PRUNE2: variants seen among roughly 807,000 people sequenced by gnomAD.
The protein encoded by PRUNE2 is protein prune homolog 2.
PRUNE2 carries 164 observed loss-of-function variants against 252.0 expected under a neutral mutation model. That is an observed-to-expected ratio of 0.65 (90% CI 0.57 to 0.74). The LOEUF is 0.74. Ranked by LOEUF, PRUNE2 falls within the 30% of genes least tolerant of loss-of-function variation. The probability of loss-of-function intolerance (pLI) is 0.00; values close to 1 mark genes in which losing one functional copy is unlikely to be tolerated. For missense variants in PRUNE2, 3,495 were observed against 3,711.0 expected (o/e 0.94, Z 1.51); for synonymous variants, 1,292 against 1,350.2 (o/e 0.96, Z 0.94).
At chr9:76,625,990 C>G (rs1186108393) in intron 16 of PRUNE2, among the ~76,000 whole-genome samples, 2 of 152,080 alleles carry the variant, frequency 1.3e-5, no homozygotes, top group African/African-American at 2.4e-5. Context: ...TGTTTATGCA[C>G]AAGTTACAAT....
intron 6 of PRUNE2, among the ~76,000 whole-genome samples, chr9:76,730,331 G>T (rs1227775218): frequency 6.6e-6 from 1 of 152,204 alleles, no homozygotes; most frequent in East Asian, 1.9e-4. Context: ...AGGTAACTGT[G>T]CAGCCCTACC....
intron 6 of PRUNE2, among the ~76,000 whole-genome samples, chr9:76,723,137 T>C (rs1294275144): frequency 1.3e-5 from 2 of 152,198 alleles, no homozygotes; most frequent in African/African-American, 2.4e-5. Flanking sequence ...CTGTTAACTA[T>C]ATGTAAGATC....
In PRUNE2 at chr9:76,710,339, C is replaced by T; in HGVS notation, c.1935G>A (p.Gly645=). ...TQKATDTGHM[G]PPQTHARCSS... is the part of the protein sequence containing the mutation. ...TGCACCGTGCATGGGTCTGAGGTGG[C>T]CCCATGTGACCTGTGTCAGTTGCTT... is the stretch of plus-strand genomic sequence containing the variant. Residue 645 remains glycine (G), a synonymous_variant, in exon 8 of 19, where the codon GGG becomes GGA. Transcript: ENST00000376718. 1 of 1,613,984 alleles carries T rather than the reference C, an allele frequency of 6.2e-7. No homozygotes were observed. The highest frequency in any genetic ancestry group is 8.5e-7 in the Non-Finnish European group (1 of 1,179,876).
At chr9:76,652,327 T>C in intron 11 of PRUNE2, 156 bp downstream of exon 11, 3 of 631,524 alleles carry the variant, frequency 4.8e-6, no homozygotes, top group Non-Finnish European at 2.8e-6. Context: ...TCTGTCAGGC[T>C]CCAAACTGTC....
rs112316173 is a variant in PRUNE2 at position 76,888,307 on chromosome 9, G to A, written c.36+17621C>T. Among the ~76,000 whole-genome samples the A allele has an allele frequency of 2.7e-3, 415 of 152,270 alleles. 1 individual carries two copies. Among genetic ancestry groups the A allele is most frequent in the African/African-American group, 9.3e-3 (387 of 41,554 alleles). ...AAATAATTTAGATATGGCTGGGCAC[G>A]GTGGCTCACGCCTGTAATCCCAGCA... On this transcript the variant is annotated intron_variant, in intron 1 of 18. Transcript: ENST00000376718.
chr9:76,707,724 C>A lies in PRUNE2; in HGVS notation c.4550G>T (p.Gly1517Val). The A allele has an allele frequency of 6.2e-7, 1 of 1,613,780 alleles. No homozygotes were observed. The highest frequency in any genetic ancestry group is 8.5e-7 in the Non-Finnish European group (1 of 1,179,840). The change falls in exon 8 of 19, where the codon GGG (glycine) becomes GTG (valine). Residue 1517 changes from glycine (G) to valine (V), a missense_variant. Gly to Val is a moderately radical substitution (Grantham distance 109). Transcript: ENST00000376718. ...SEITKNLDVK[G>V]SENSLPGAGS... ...GGCTCCTGGAAGGCTATTTTCAGAC[C>A]CCTTAACGTCAAGATTTTTGGTTAT...
chr9:76,637,669 T>C (rs1564403617), intron 13 of PRUNE2, 120 bp from the exon 14 acceptor site: 1 of 822,246 alleles, frequency 1.2e-6, no homozygotes, highest in East Asian at 2.6e-5. Flanking sequence ...ATTACCTCTT[T>C]ACCTTGGGAA....
intron 12 of PRUNE2, chr9:76,641,945 G>C: frequency 1.3e-6 from 2 of 1,523,234 alleles, no homozygotes; most frequent in Non-Finnish European, 1.8e-6. Context: ...AGGGTCATTT[G>C]TCCAGCAAGA....
chr9:76,845,930 TGA>T (rs1211729448), intron 4 of PRUNE2, among the ~76,000 whole-genome samples: 1 of 152,136 alleles, frequency 6.6e-6, no homozygotes, highest in Non-Finnish European at 1.5e-5. Flanking sequence ...CTGATCGAGA[TGA>T]AAGAGAGATT....
At chr9:76,846,454 A>G in intron 4 of PRUNE2, 61 bp downstream of exon 4, 1 of 1,410,948 alleles carries the variant, frequency 7.1e-7, no homozygotes, top group Non-Finnish European at 9.7e-7. Flanking sequence ...TTTCTACATG[A>G]GCAGGCTGGG....
intron 6 of PRUNE2, among the ~76,000 whole-genome samples, chr9:76,803,556 A>G (rs1359686459): frequency 1.3e-5 from 2 of 152,136 alleles, no homozygotes; most frequent in Non-Finnish European, 2.9e-5. Context: ...TCTCAATTTC[A>G]TAATCAAAAT....
intron 9 of PRUNE2, among the ~76,000 whole-genome samples, chr9:76,696,607 G>A (rs759150389): frequency 1.5e-4 from 23 of 152,132 alleles, no homozygotes; most frequent in Admixed American, 7.2e-4. Flanking sequence ...TGTATTTTTA[G>A]TAGAGACGGG....
chr9:76,707,408 T>G lies in PRUNE2; in HGVS notation c.4866A>C (p.Leu1622Phe). The change falls in exon 8 of 19, where the codon TTA (leucine) becomes TTC (phenylalanine). Residue 1622 changes from leucine to phenylalanine, a missense_variant. By Grantham distance (22) the Leu-to-Phe change is conservative (BLOSUM62 0). Coordinates refer to ENST00000376718, the MANE Select transcript of PRUNE2 (RefSeq NM_015225.3). ...KSFDRKTPTF[L>F]EIWNDSVDGD... Reference sequence around the variant, plus strand: ...CATCAACTGAGTCATTCCAGATCTCTAAAAATGTAGGAGTTTTGCGATCAA... The same window carrying G: ...CATCAACTGAGTCATTCCAGATCTCGAAAAATGTAGGAGTTTTGCGATCAA... 6.2e-7 allele frequency: 1 copy of G among 1,613,944 alleles called. No homozygotes were observed. The highest frequency in any genetic ancestry group is 8.5e-7 in the Non-Finnish European group (1 of 1,179,790).
intron 6 of PRUNE2, among the ~76,000 whole-genome samples, chr9:76,715,292 G>A (rs779833852): frequency 1.4e-4 from 21 of 152,274 alleles, no homozygotes; most frequent in Non-Finnish European, 1.5e-4. Flanking sequence ...CATCATACCC[G>A]TACTCTGTAA....
chr9:76,655,305 TCTCA>T, intron 10 of PRUNE2, 114 bp downstream of exon 10: 1 of 803,546 alleles, frequency 1.2e-6, no homozygotes, highest in South Asian at 1.5e-5. Context: ...TCTTTTTTCC[TCTCA>T]CTGTTATCAC....
Position 76,906,042 on chromosome 9 carries a change from C to G in PRUNE2, c.-79G>C. 1 of 1,514,748 alleles carries G rather than the reference C, an allele frequency of 6.6e-7. No homozygotes were observed. Among genetic ancestry groups the G allele is most frequent in the Non-Finnish European group, 9.2e-7 (1 of 1,091,250 alleles). 93.8% of individuals were successfully genotyped at this position (1,514,748 alleles called of 1,614,324 possible). Reference sequence around the variant, plus strand: ...TCGGCCCAAGGAAGACGAGCGGGGTCCCGGGAAAGTGGCCCGCCGGGGCGC... The same window carrying G: ...TCGGCCCAAGGAAGACGAGCGGGGTGCCGGGAAAGTGGCCCGCCGGGGCGC... On this transcript the variant is annotated 5_prime_UTR_variant, in exon 1 of 19. Coordinates refer to ENST00000376718, the MANE Select transcript of PRUNE2 (RefSeq NM_015225.3).
At position 76,709,325 on chromosome 9, in the gene PRUNE2, C is replaced by T; in HGVS notation, c.2949G>A (p.Lys983=). 1.2e-6 allele frequency: 2 copies of T among 1,613,972 alleles called. No homozygotes were observed. Among genetic ancestry groups the T allele is most frequent in the Admixed American group, 1.7e-5 (1 of 60,002 alleles). ...YTSPTFAGDE[K]ETEHKPFAKE... is the part of the protein sequence containing the mutation. ...TAGCAAATGGCTTGTGTTCAGTTTC[C>T]TTTTCGTCTCCAGCAAATGTTGGTG... Residue 983 remains lysine (K), a synonymous_variant, in exon 8 of 19, where the codon AAG becomes AAA. Transcript: ENST00000376718.
At chr9:76,618,116 T>A (rs1027293297) in intron 18 of PRUNE2, among the ~76,000 whole-genome samples, 13 of 152,346 alleles carry the variant, frequency 8.5e-5, no homozygotes, top group African/African-American at 1.9e-4. Context: ...GTTCTTTTTT[T>A]AAAATTTTAT....
At chr9:76,883,355 T>C (rs544632156) in intron 1 of PRUNE2, among the ~76,000 whole-genome samples, 4 of 152,262 alleles carry the variant, frequency 2.6e-5, no homozygotes, top group African/African-American at 7.2e-5. Context: ...AGCTGAGGGA[T>C]TGATTACTTC....
Sources: gnomAD v4.1 joint callset for allele counts (sites outside exome capture counted in the v4.1 genomes callset) on GRCh38, gnomAD v4.1.1 for gene constraint, MANE v1.5 for transcripts, NCBI Gene and HGNC (gene_info 2026-07-23, HGNC 2026-07-21) for gene names.